The following SRRT variants were observed in gnomAD, a reference collection of about 807,000 sequenced individuals.
The protein encoded by SRRT is serrate, RNA effector molecule.
SRRT carries 32 observed loss-of-function variants against 103.2 expected under a neutral mutation model. The ratio of observed to expected loss-of-function variants is 0.31; its 90% CI spans 0.23 to 0.42. The LOEUF (loss-of-function observed/expected upper bound fraction) is 0.42, where lower values mean the gene tolerates loss of function less well. Ranked by LOEUF, SRRT falls within the 10% of genes least tolerant of loss-of-function variation. SRRT has a pLI of 1.00. For missense variants in SRRT, 986 were observed against 1,207.5 expected, an observed-to-expected ratio of 0.82 and a Z score of 2.72; for synonymous variants, 525 against 449.0, an observed-to-expected ratio of 1.17 and a Z score of -2.14.
In SRRT at chr7:100,888,115, G is replaced by C. The variant is rs980073819; in HGVS notation, c.2400G>C (p.Gln800His). 6.2e-7 allele frequency: 1 copy of C among 1,610,628 alleles called. No homozygotes were observed. The highest frequency in any genetic ancestry group is 8.5e-7 in the Non-Finnish European group (1 of 1,178,230). ...CCCAGGGCCTGATGCCCTATGGTCA[G>C]CCCCGGCCCCCGATCTTGGGCTATG... ...QTPQGLMPYG[Q>H]PRPPILGYGA... The change falls in exon 18 of 20, where the codon CAG (glutamine) becomes CAC (histidine). Residue 800 changes from glutamine (Q) to histidine (H), a missense_variant. Around this residue, in one of 6 missense-constraint regions of SRRT, gnomAD observed 178 missense variants for 189.6 expected, o/e 0.94. Coordinates refer to ENST00000611405, the MANE Select transcript of SRRT (RefSeq NM_015908.6).
rs1584759930 is a variant in SRRT at position 100,887,636 on chromosome 7, C to T, written c.2170-67C>T. ...GGCAGGCGGGAGCTGGGAATCCTTC[C>T]AGCTCGGGCCTGGGAGCGAGGCAAC... On this transcript the variant is annotated intron_variant, in intron 16 of 19. Transcript: ENST00000611405. The surrounding 1 kb of genome is among the most constrained non-coding windows in gnomAD (Gnocchi z 4.1). 3 of 1,578,692 alleles carry T rather than the reference C, an allele frequency of 1.9e-6. No homozygotes were observed. Among genetic ancestry groups the T allele is most frequent in the East Asian group, 2.3e-5 (1 of 44,398 alleles).
chr7:100,878,857 A>G (rs1815998502), intron 2 of SRRT, among the ~76,000 whole-genome samples: 1 of 152,074 alleles, frequency 6.6e-6, no homozygotes, highest in Non-Finnish European at 1.5e-5. Flanking sequence ...GTATGCCATC[A>G]CACCCAGCTA....
chr7:100,881,345 T>C lies in SRRT; in HGVS notation c.183T>C (p.Asn61=). Residue 61 remains asparagine, a synonymous_variant, in exon 3 of 20, where the codon AAT becomes AAC. Coordinates refer to ENST00000611405, the MANE Select transcript of SRRT (RefSeq NM_015908.6). Reference sequence around the variant, plus strand: ...GTGAATATCGGGACTATGACCGGAATCGGCGAGAGCGCTTCTCGCCACCTC... The same window carrying C: ...GTGAATATCGGGACTATGACCGGAACCGGCGAGAGCGCTTCTCGCCACCTC... ...SRGEYRDYDR[N]RRERFSPPRH... 6.2e-7 allele frequency: 1 copy of C among 1,613,660 alleles called. No homozygotes were observed. Among genetic ancestry groups the C allele is most frequent in the Non-Finnish European group, 8.5e-7 (1 of 1,179,858 alleles).
chr7:100,880,276 T>C (rs1816163039), intron 2 of SRRT, among the ~76,000 whole-genome samples: 1 of 151,918 alleles, frequency 6.6e-6, no homozygotes, highest in African/African-American at 2.4e-5. Flanking sequence ...GGGCCCATAG[T>C]GGTGGGATGA....
chr7:100,885,452 C>T lies in SRRT; in HGVS notation c.1317+82C>T, dbSNP rs1302824032. 6 of 1,416,202 alleles carry T rather than the reference C, an allele frequency of 4.2e-6. No individual in the cohort carries two copies. Among genetic ancestry groups the T allele is most frequent in the African/African-American group, 1.6e-5 (1 of 64,232 alleles). The allele number at this position is 1,416,202 out of a possible 1,614,324, so 87.7% of individuals were successfully genotyped here. On this transcript the variant is annotated intron_variant, in intron 10 of 19. Coordinates refer to ENST00000611405, the MANE Select transcript of SRRT (RefSeq NM_015908.6). This position sits in a 1 kb window ranked among gnomAD's most constrained non-coding sequence, Gnocchi z 4.8. ...GAAGGCAGTGGGGCCCTGCCTGTGA[C>T]AGATGCCCCCGTTTCACCTGCTAGG...
chr7:100,875,805 G>A, intron 2 of SRRT, 93 bp downstream of exon 2: 2 of 1,524,484 alleles, frequency 1.3e-6, no homozygotes, highest in African/African-American at 1.4e-5. Context: ...TTTTTATGAG[G>A]GCGAATCCTA....
At chr7:100,886,189 C>T in intron 12 of SRRT, 58 bp from the exon 13 acceptor site, 1 of 1,564,434 alleles carries the variant, frequency 6.4e-7, no homozygotes, top group South Asian at 1.2e-5. Context: ...CTTAGAGCTG[C>T]TGTTTCTCTG....
At chr7:100,883,850 C>T (rs1452760942) in intron 5 of SRRT, among the ~76,000 whole-genome samples, 1 of 152,176 alleles carries the variant, frequency 6.6e-6, no homozygotes. Flanking sequence ...GCTCTTAGTT[C>T]CTGGTTCTCC....
intron 2 of SRRT, among the ~76,000 whole-genome samples, chr7:100,881,011 G>T (rs1293969377): frequency 6.6e-6 from 1 of 152,090 alleles, no homozygotes; most frequent in East Asian, 1.9e-4. Flanking sequence ...ATAATTGTAG[G>T]CTTTTTAGTC....
At chr7:100,875,464 C>T in intron 1 of SRRT, 109 bp from the exon 2 acceptor site, 3 of 1,549,380 alleles carry the variant, frequency 1.9e-6, no homozygotes, top group Non-Finnish European at 2.6e-6. Flanking sequence ...GTGGGGGCCG[C>T]GGAGGGCTGG....
intron 2 of SRRT, 140 bp downstream of exon 2, chr7:100,875,852 C>T: frequency 3.6e-6 from 4 of 1,102,072 alleles, no homozygotes; most frequent in Middle Eastern, 2.9e-4. Context: ...GTGGTTCAGC[C>T]TATTTGCTGT....
In SRRT at chr7:100,888,392, G is replaced by A. The variant is rs755623259; in HGVS notation, c.2555+9G>A. On this transcript the variant is annotated intron_variant, in intron 19 of 19. Coordinates refer to ENST00000611405, the MANE Select transcript of SRRT (RefSeq NM_015908.6). ...GGGAAACCTCGCAACAGGTGAGGAG[G>A]GCAGACGCCCAAGCTTTGTTGCCGC... The A allele has an allele frequency of 8.1e-6, 13 of 1,613,404 alleles. No homozygotes were observed. The East Asian group carries it at 2.9e-4, about 36-fold the overall frequency.
In SRRT at chr7:100,887,171, T is replaced by TG; in HGVS notation, c.1947dup (p.Pro650AlafsTer18). The TG allele has an allele frequency of 6.2e-7, 1 of 1,614,216 alleles. No homozygotes were observed. Among genetic ancestry groups the TG allele is most frequent in the Non-Finnish European group, 8.5e-7 (1 of 1,180,032 alleles). On this transcript the variant is annotated frameshift_variant, in exon 15 of 20. Transcript: ENST00000611405. LOFTEE classifies it high-confidence loss of function. This position sits in a 1 kb window ranked among gnomAD's most constrained non-coding sequence, Gnocchi z 4.1. The stretch of plus-strand genomic sequence containing the variant: ...GGGATCATCCACGTTCGGGGGCCCA[T>TG]GCCACCCAACCGCATCAGTCACGGG...
At position 100,881,308 on chromosome 7, in the gene SRRT, G is replaced by A. The variant is rs750016108; in HGVS notation, c.146G>A (p.Arg49His). 6.2e-6 allele frequency: 10 copies of A among 1,612,922 alleles called. No individual in the cohort carries two copies. The East Asian group carries it at 1.1e-4, about 18-fold the overall frequency. ...AGAGAGTGGGACCGTGGCCGTGAGC[G>A]CCGTAGTCGGGGTGAATATCGGGAC... is the stretch of plus-strand genomic sequence containing the variant. ...NDREWDRGRE[R>H]RSRGEYRDYD... The change falls in exon 3 of 20, where the codon CGC becomes CAC. Residue 49 changes from arginine to histidine, a missense_variant. Physicochemically the swap from Arg to His is conservative, Grantham distance 29 (BLOSUM62 0). This residue lies in a region of SRRT where 274 missense variants were observed against 358.5 expected (regional missense o/e 0.76). Coordinates refer to ENST00000611405, the MANE Select transcript of SRRT (RefSeq NM_015908.6).
chr7:100,888,285 A>G lies in SRRT; in HGVS notation c.2457A>G (p.Thr819=), dbSNP rs539687404. ...GTGCTGTCCGCCCTGCAGTCCCCAC[A>G]GGAGGCCCTCCATACCCCCATGCCC... The part of the protein sequence containing the change: ...GAGAVRPAVP[T]GGPPYPHAPY... Residue 819 remains threonine (T), a synonymous_variant, in exon 19 of 20, where the codon ACA becomes ACG. Coordinates refer to ENST00000611405, the MANE Select transcript of SRRT (RefSeq NM_015908.6). 6.2e-7 allele frequency: 1 copy of G among 1,612,618 alleles called. No individual in the cohort carries two copies. The highest frequency in any genetic ancestry group is 8.5e-7 in the Non-Finnish European group (1 of 1,178,808).
chr7:100,882,045 C>T lies in SRRT; in HGVS notation c.399-8C>T, dbSNP rs376571093. ...AAACCAAGCCTTCCTGACCGGGGTCCCCTCCAGGCTGGGCAGCATTGCAGA... is the reference window on the plus strand; with the variant it reads ...AAACCAAGCCTTCCTGACCGGGGTCTCCTCCAGGCTGGGCAGCATTGCAGA... On this transcript the variant is annotated splice_region_variant and splice_polypyrimidine_tract_variant and intron_variant, in intron 4 of 19. Transcript: ENST00000611405. The surrounding 1 kb of genome is among the most constrained non-coding windows in gnomAD (Gnocchi z 4.2). 1.1e-4 allele frequency: 179 copies of T among 1,608,564 alleles called. No homozygotes were observed. The African/African-American group carries it at 2.2e-3, about 19-fold the overall frequency.
At position 100,884,141 on chromosome 7, in the gene SRRT, G is replaced by A. The variant is rs1191223386; in HGVS notation, c.659G>A (p.Arg220Gln). Residue 220 changes from arginine (R) to glutamine (Q), a missense_variant, in exon 6 of 20, where the codon CGA becomes CAA. This residue lies in a region of SRRT where 274 missense variants were observed against 358.5 expected (regional missense o/e 0.76). Transcript: ENST00000611405. ...RQEARGALQNRLRVFLSLMET... is the reference protein window; with the variant it reads ...RQEARGALQNQLRVFLSLMET... Reference sequence around the variant, plus strand: ...GAGGCCCGGGGGGCCCTGCAAAACCGACTGAGGGTCTTCCTGTCCCTCATG... The same window carrying A: ...GAGGCCCGGGGGGCCCTGCAAAACCAACTGAGGGTCTTCCTGTCCCTCATG... 2 of 1,613,884 alleles carry A rather than the reference G, an allele frequency of 1.2e-6. No homozygotes were observed. Among genetic ancestry groups the A allele is most frequent in the Non-Finnish European group, 1.7e-6 (2 of 1,179,926 alleles).
intron 3 of SRRT, 75 bp downstream of exon 3, chr7:100,881,488 T>C: frequency 6.3e-7 from 1 of 1,578,228 alleles, no homozygotes; most frequent in Non-Finnish European, 8.6e-7. Context: ...CCCTCACCTG[T>C]GCCTAAATCT....
Position 100,886,186 on chromosome 7 carries a change from C to T in SRRT, c.1459-61C>T. ...TGCTCAAGAGGGAAGGGTCTTAGAG[C>T]TGCTGTTTCTCTGGCAAGCGGGGTA... On this transcript the variant is annotated intron_variant, in intron 12 of 19. Transcript: ENST00000611405. 6 of 1,556,636 alleles carry T rather than the reference C, an allele frequency of 3.9e-6. No individual in the cohort carries two copies. The South Asian group carries it at 5.9e-5, about 15-fold the overall frequency.
Sources: gnomAD v4.1 joint callset for allele counts (sites outside exome capture counted in the v4.1 genomes callset) on GRCh38, gnomAD v4.1.1 for gene constraint, gnomAD v4.1.1 regional missense constraint, Gnocchi (gnomAD v3.1) non-coding constraint, MANE v1.5 for transcripts, NCBI Gene and HGNC (gene_info 2026-07-23, HGNC 2026-07-21) for gene names.